Variants in RREB1 observed in about 807,000 individuals in gnomAD.
RREB1 encodes ras responsive element binding protein 1, also known as ras-responsive element-binding protein 1.
In RREB1, 27 loss-of-function variants were observed where a neutral mutation model predicts 117.8. The ratio of observed to expected loss-of-function variants is 0.23; its 90% CI spans 0.17 to 0.32. RREB1 has a LOEUF of 0.32. Ranked by LOEUF, RREB1 falls within the 10% of genes least tolerant of loss-of-function variation. RREB1 has a pLI of 1.00. For missense variants in RREB1, 2,577 were observed against 2,378.2 expected, an observed-to-expected ratio of 1.08 and a Z score of -1.74; for synonymous variants, 1,298 against 1,026.7, an observed-to-expected ratio of 1.26 and a Z score of -5.05.
intron 1 of RREB1, among the ~76,000 whole-genome samples, chr6:7,132,667 C>T (rs992011598): frequency 6.6e-6 from 1 of 152,164 alleles, no homozygotes; most frequent in Non-Finnish European, 1.5e-5. Flanking sequence ...TTGAAAACAG[C>T]TTTTGCTCTT....
chr6:7,217,753 T>C lies in RREB1; in HGVS notation c.707+6044T>C, dbSNP rs181358227. 37 of 152,186 alleles carry C rather than the reference T, an allele frequency of 2.4e-4. No individual in the cohort carries two copies. In the East Asian group the frequency reaches 7.1e-3, roughly 29 times the overall value. 9.4% of individuals were successfully genotyped at this position (152,186 alleles called of 1,614,324 possible). On this transcript the variant is annotated intron_variant, in intron 8 of 12. Transcript: ENST00000379938. ...ACTATTATTTAGAATGTATTTTTTA[T>C]ATAAAATTTTATATAAAATTAAAAT...
chr6:7,127,280 A>AT (rs1224643760), intron 1 of RREB1, among the ~76,000 whole-genome samples: 1 of 152,136 alleles, frequency 6.6e-6, no homozygotes, highest in Non-Finnish European at 1.5e-5. Context: ...CCTTTAGAAA[A>AT]TTTAAGTCGG....
chr6:7,139,991 C>G (rs1762493405), intron 1 of RREB1, among the ~76,000 whole-genome samples: 1 of 152,212 alleles, frequency 6.6e-6, no homozygotes, highest in African/African-American at 2.4e-5. Context: ...TCAGAGCTTG[C>G]AGTGTGCTGA....
chr6:7,123,004 C>T (rs1761743318), intron 1 of RREB1, among the ~76,000 whole-genome samples: 2 of 152,162 alleles, frequency 1.3e-5, no homozygotes, highest in African/African-American at 4.8e-5. Flanking sequence ...ATGTGTTTTA[C>T]CTTAAACATT....
At chr6:7,146,855 T>G (rs559708422) in intron 1 of RREB1, among the ~76,000 whole-genome samples, 5 of 152,078 alleles carry the variant, frequency 3.3e-5, no homozygotes, top group Non-Finnish European at 7.4e-5. Flanking sequence ...TTGGAAGATG[T>G]TTCTGATTCT....
At chr6:7,158,022 G>A (rs1763467176) in intron 1 of RREB1, among the ~76,000 whole-genome samples, 1 of 152,088 alleles carries the variant, frequency 6.6e-6, no homozygotes, top group South Asian at 2.1e-4. Flanking sequence ...GCTCATGCCT[G>A]ACTTCTCTGT....
Position 7,230,162 on chromosome 6 carries a change from G to T in RREB1, c.2063G>T (p.Arg688Leu). The change falls in exon 10 of 13, where the codon CGC becomes CTC. Residue 688 changes from arginine (R) to leucine (L), a missense_variant. Coordinates refer to ENST00000379938, the MANE Select transcript of RREB1 (RefSeq NM_001003699.4). ...GCCGCCGACAAGGCCGCGCTCATCC[G>T]CCACCTGCGCACGCACAGTGGGGAG... ...YIAADKAALI[R>L]HLRTHSGERP... 1.2e-6 allele frequency: 2 copies of T among 1,606,550 alleles called. No homozygotes were observed. Among genetic ancestry groups the T allele is most frequent in the Non-Finnish European group, 1.7e-6 (2 of 1,179,530 alleles).
intron 2 of RREB1, among the ~76,000 whole-genome samples, chr6:7,179,151 G>T (rs914401722): frequency 7.9e-5 from 12 of 152,124 alleles, no homozygotes; most frequent in Non-Finnish European, 1.6e-4. Context: ...GATAGAATTA[G>T]AATTTTTTTT....
In RREB1 at chr6:7,251,093, T is replaced by C. The variant is rs575276279; in HGVS notation, c.*2125T>C. On this transcript the variant is annotated 3_prime_UTR_variant, in exon 13 of 13. Coordinates refer to ENST00000379938, the MANE Select transcript of RREB1 (RefSeq NM_001003699.4). ...CTTGCAATATTGTGGGGAGAAGCTG[T>C]GACTAAACTCTACGCTGCGGTGAGA... 3 of 152,300 alleles carry C rather than the reference T, an allele frequency of 2.0e-5. No individual in the cohort carries two copies. Among genetic ancestry groups the C allele is most frequent in the East Asian group, 3.9e-4 (2 of 5,184 alleles). 9.4% of individuals were successfully genotyped at this position (152,300 alleles called of 1,614,324 possible). A position where few individuals can be genotyped will look rare whatever the true frequency, so the allele number is the denominator to read the frequency against.
chr6:7,141,330 G>A (rs575332272), intron 1 of RREB1, among the ~76,000 whole-genome samples: 5 of 152,204 alleles, frequency 3.3e-5, no homozygotes, highest in Non-Finnish European at 7.3e-5. Context: ...CCTCAGTTGC[G>A]AAGGGCACGG....
intron 1 of RREB1, among the ~76,000 whole-genome samples, chr6:7,159,734 C>G (rs1763556035): frequency 6.6e-6 from 1 of 152,154 alleles, no homozygotes; most frequent in Non-Finnish European, 1.5e-5. Flanking sequence ...AAAAGCCTGC[C>G]AGTCTCCTTA....
In RREB1 at chr6:7,177,075, C is replaced by T. The variant is rs534815058; in HGVS notation, c.-166+302C>T. 7.2e-5 allele frequency among the ~76,000 whole-genome samples: 11 copies of T among 151,896 alleles called. 1 individual carries two copies. The highest frequency in any genetic ancestry group is 2.4e-4 in the African/African-American group (10 of 41,420). On this transcript the variant is annotated intron_variant, in intron 2 of 12. Transcript: ENST00000379938. ...CTACTAAAAATAAAAAAAAATTAGC[C>T]AGGCGTGGTGGTGCGTGCCTGTAAT...
chr6:7,151,033 A>G lies in RREB1; in HGVS notation c.-284-25622A>G, dbSNP rs1031694087. On this transcript the variant is annotated intron_variant, in intron 1 of 12. Coordinates refer to ENST00000379938, the MANE Select transcript of RREB1 (RefSeq NM_001003699.4). ...ACAGAGAACTCATCCGTGCGGCTGGAGGCTGAACATGGAGAAGGAGGGAAG... is the reference window on the plus strand; with the variant it reads ...ACAGAGAACTCATCCGTGCGGCTGGGGGCTGAACATGGAGAAGGAGGGAAG... 9.2e-5 allele frequency among the ~76,000 whole-genome samples: 14 copies of G among 152,290 alleles called. No individual in the cohort carries two copies. The South Asian group carries it at 1.9e-3, about 20-fold the overall frequency.
intron 1 of RREB1, among the ~76,000 whole-genome samples, chr6:7,160,515 T>C (rs1024088617): frequency 6.6e-6 from 1 of 152,066 alleles, no homozygotes; most frequent in Non-Finnish European, 1.5e-5. Context: ...TTTTCACACA[T>C]TGACTTTTTT....
At chr6:7,148,992 G>A (rs1762995326) in intron 1 of RREB1, among the ~76,000 whole-genome samples, 1 of 152,038 alleles carries the variant, frequency 6.6e-6, no homozygotes, top group Admixed American at 6.6e-5. Flanking sequence ...GCATGATTTC[G>A]GCTCACTGCA....
intron 1 of RREB1, among the ~76,000 whole-genome samples, chr6:7,174,801 G>A (rs1764419043): frequency 6.6e-6 from 1 of 152,100 alleles, no homozygotes; most frequent in Non-Finnish European, 1.5e-5. Flanking sequence ...TAGAGATGGG[G>A]TTTTGCCATG....
At chr6:7,237,967 G>A (rs1431644193) in intron 10 of RREB1, among the ~76,000 whole-genome samples, 1 of 152,166 alleles carries the variant, frequency 6.6e-6, no homozygotes, top group Non-Finnish European at 1.5e-5. Context: ...CTAACCAACT[G>A]TAAAGGTGAC....
chr6:7,165,825 A>G (rs1763902328), intron 1 of RREB1, among the ~76,000 whole-genome samples: 1 of 151,318 alleles, frequency 6.6e-6, no homozygotes, highest in African/African-American at 2.4e-5. Context: ...GCTGGTGTCT[A>G]TCTCCCCTTT....
intron 1 of RREB1, among the ~76,000 whole-genome samples, chr6:7,160,799 G>C (rs1454893098): frequency 7.2e-6 from 1 of 139,392 alleles, no homozygotes; most frequent in Non-Finnish European, 1.5e-5. Context: ...CAATTCTCCT[G>C]CCTCAGCCTC....
Sources: gnomAD v4.1 joint callset for allele counts (sites outside exome capture counted in the v4.1 genomes callset) on GRCh38, gnomAD v4.1.1 for gene constraint, MANE v1.5 for transcripts, NCBI Gene and HGNC (gene_info 2026-07-23, HGNC 2026-07-21) for gene names.